Variants in SGIP1 observed in about 807,000 individuals in gnomAD.
SGIP1 encodes the protein SH3GL interacting endocytic adaptor 1.
A neutral mutation model predicts 107.5 loss-of-function variants in SGIP1; 38 were observed. The observed-to-expected ratio is 0.35, with a 90% confidence interval of 0.27 to 0.46. The LOEUF (loss-of-function observed/expected upper bound fraction) is 0.46. Among genes scored for constraint, SGIP1 ranks in the 20% least tolerant of loss-of-function variants. The pLI is 1.00. For synonymous variants in SGIP1, 365 were observed against 366.1 expected (o/e 1.00, Z 0.03); for missense variants, 929 against 1,019.5 (o/e 0.91, Z 1.21).
chr1:66,540,764 G>C (rs1166020529), intron 1 of SGIP1, among the ~76,000 whole-genome samples: 1 of 152,210 alleles, frequency 6.6e-6, no homozygotes. Context: ...CATGAACCCA[G>C]AAGTCAGACT....
At chr1:66,641,443 C>T (rs936342086) in intron 5 of SGIP1, among the ~76,000 whole-genome samples, 1 of 152,104 alleles carries the variant, frequency 6.6e-6, no homozygotes, top group Non-Finnish European at 1.5e-5. Context: ...TCTGCCTTCT[C>T]TCACTGACAG....
chr1:66,643,507 T>C, intron 6 of SGIP1, 37 bp from the exon 7 acceptor site: 1 of 1,565,860 alleles, frequency 6.4e-7, no homozygotes, highest in African/African-American at 1.4e-5. Flanking sequence ...TGCCTCCCAG[T>C]AGAAGAAAGA....
At chr1:66,601,381 A>G (rs374690249) in intron 1 of SGIP1, among the ~76,000 whole-genome samples, 4 of 152,122 alleles carry the variant, frequency 2.6e-5, no homozygotes, top group Non-Finnish European at 5.9e-5. Context: ...AAACAAGCAA[A>G]CAAACAAACA....
chr1:66,638,280 T>C (rs2076165663), intron 4 of SGIP1, among the ~76,000 whole-genome samples: 1 of 152,182 alleles, frequency 6.6e-6, no homozygotes, highest in African/African-American at 2.4e-5. Flanking sequence ...TTTTATTAAG[T>C]GGTACATTAT....
chr1:66,671,041 GA>G, intron 10 of SGIP1, 22 bp downstream of exon 10: 1 of 1,269,850 alleles, frequency 7.9e-7, no homozygotes, highest in Non-Finnish European at 1.1e-6. Flanking sequence ...TTAGCTACCA[GA>G]AATAGTGTAT....
intron 1 of SGIP1, among the ~76,000 whole-genome samples, chr1:66,548,013 G>T (rs1282204018): frequency 6.6e-6 from 1 of 152,084 alleles, no homozygotes; most frequent in African/African-American, 2.4e-5. Flanking sequence ...AGACCAGTGA[G>T]GAAGGGAACA....
intron 7 of SGIP1, among the ~76,000 whole-genome samples, chr1:66,648,563 A>T (rs921027045): frequency 2.0e-5 from 3 of 152,004 alleles, no homozygotes. Flanking sequence ...ACATATTTTC[A>T]TTCTTTTTTT....
At chr1:66,653,040 A>G (rs540538601) in intron 7 of SGIP1, among the ~76,000 whole-genome samples, 1 of 152,274 alleles carries the variant, frequency 6.6e-6, no homozygotes, top group East Asian at 1.9e-4. Context: ...TCTTCCACAG[A>G]CATTGCCACT....
intron 1 of SGIP1, among the ~76,000 whole-genome samples, chr1:66,603,345 T>A (rs2066226075): frequency 6.6e-6 from 1 of 152,244 alleles, no homozygotes; most frequent in African/African-American, 2.4e-5. Flanking sequence ...ATATATCAAA[T>A]CCCATACTTT....
chr1:66,640,923 A>T (rs529216168), intron 5 of SGIP1, among the ~76,000 whole-genome samples: 1 of 152,148 alleles, frequency 6.6e-6, no homozygotes, highest in South Asian at 2.1e-4. Context: ...AAAGAAGCCA[A>T]ATATGGGAGG....
chr1:66,569,145 T>C (rs2060048792), intron 1 of SGIP1, among the ~76,000 whole-genome samples: 1 of 151,994 alleles, frequency 6.6e-6, no homozygotes, highest in Non-Finnish European at 1.5e-5. Flanking sequence ...CTCCAAATGG[T>C]GAAACTTGAG....
chr1:66,559,119 T>C (rs1557881603), intron 1 of SGIP1, among the ~76,000 whole-genome samples: 1 of 152,122 alleles, frequency 6.6e-6, no homozygotes, highest in Non-Finnish European at 1.5e-5. Context: ...TCAAGCATCC[T>C]TGGGCAATGC....
rs150385370 is a variant in SGIP1, at chr1:66,660,038, GGAAAGAAA to G, written c.460-466_460-459del. 24 of 91,560 alleles carry G rather than the reference GGAAAGAAA, an allele frequency of 2.6e-4. 2 individuals are homozygous for G. Among genetic ancestry groups the G allele is most frequent in the Admixed American group, 1.9e-3 (11 of 5,796 alleles). 5.7% of individuals were successfully genotyped at this position (91,560 alleles called of 1,614,324 possible). A position where few individuals can be genotyped will look rare whatever the true frequency, so the allele number is the denominator to read the frequency against. On this transcript the variant is annotated intron_variant, in intron 7 of 24. Transcript: ENST00000371037. ...AGACAGGAAGGAAGGAAGGAAGGAAGGAAAGAAAGAAAGAAAAGAAAGAAAGGAAGAAA... is the reference window on the plus strand; with the variant it reads ...AGACAGGAAGGAAGGAAGGAAGGAAGGAAAGAAAAGAAAGAAAGGAAGAAA...
Position 66,639,848 on chromosome 1 carries a change from A to AT in SGIP1, c.228+15_228+16insT, listed in dbSNP as rs776737038. On this transcript the variant is annotated intron_variant, in intron 5 of 24. Transcript: ENST00000371037. ...GGGAAAGATATGTGAGTATCAGAAG[A>AT]GTGTTTCTCTTTATTAAGTATTTTA... 1 of 1,603,626 alleles carries AT rather than the reference A, an allele frequency of 6.2e-7. No homozygotes were observed. Among genetic ancestry groups the AT allele is most frequent in the Admixed American group, 1.7e-5 (1 of 59,076 alleles).
At chr1:66,569,456 T>C (rs541139643) in intron 1 of SGIP1, among the ~76,000 whole-genome samples, 1 of 152,068 alleles carries the variant, frequency 6.6e-6, no homozygotes, top group East Asian at 1.9e-4. Context: ...GTGTTGGATT[T>C]TGTCAGGTGC....
At chr1:66,634,110 C>G in intron 3 of SGIP1, 1 of 1,609,714 alleles carries the variant, frequency 6.2e-7, no homozygotes, top group South Asian at 1.1e-5. Context: ...GAAGACTCAG[C>G]TTCTCCTCAC....
At chr1:66,702,168 A>G (rs955046729) in intron 18 of SGIP1, among the ~76,000 whole-genome samples, 1 of 152,202 alleles carries the variant, frequency 6.6e-6, no homozygotes, top group Non-Finnish European at 1.5e-5. Flanking sequence ...TGTTAATCAC[A>G]TTTTACAGAT....
chr1:66,730,272 A>G (rs898121897), intron 20 of SGIP1, among the ~76,000 whole-genome samples: 4 of 152,098 alleles, frequency 2.6e-5, no homozygotes, highest in Non-Finnish European at 2.9e-5. Context: ...GTTTATATCA[A>G]TGTAATTTTT....
intron 1 of SGIP1, among the ~76,000 whole-genome samples, chr1:66,543,969 T>A (rs2055674823): frequency 6.6e-6 from 1 of 152,192 alleles, no homozygotes; most frequent in Admixed American, 6.5e-5. Context: ...AGTAAGAGAT[T>A]GGCAATAATA....
Sources: allele counts gnomAD v4.1 joint callset (sites outside exome capture counted in the v4.1 genomes callset), GRCh38; gene constraint gnomAD v4.1.1; transcripts MANE v1.5; gene names NCBI Gene and HGNC (gene_info 2026-07-23, HGNC 2026-07-21).